The following RUFY4 variants were observed in gnomAD, a reference collection of about 807,000 sequenced individuals.
The protein encoded by RUFY4 is RUN and FYVE domain-containing protein 4.
Under a neutral mutation model 69.0 loss-of-function variants are expected in RUFY4, and 73 were observed. That is an observed-to-expected ratio of 1.06 (90% CI 0.88 to 1.29). The LOEUF (loss-of-function observed/expected upper bound fraction) is 1.29. Ranked by LOEUF, RUFY4 falls within the 50% of genes most tolerant of loss-of-function variation. RUFY4 has a pLI of 0.00. For synonymous variants in RUFY4, 287 were observed against 271.8 expected (o/e 1.06, Z -0.55); for missense variants, 770 against 705.6 (o/e 1.09, Z -1.03).
intron 2 of RUFY4, among the ~76,000 whole-genome samples, chr2:218,039,159 A>G (rs1959023769): frequency 6.6e-6 from 1 of 152,150 alleles, no homozygotes; most frequent in Non-Finnish European, 1.5e-5. Flanking sequence ...TGAAAAGAGA[A>G]CCCAGCAGGA....
chr2:218,090,173 G>A, exon 11 of RUFY4: 1 of 532,434 alleles, frequency 1.9e-6, no homozygotes, highest in South Asian at 1.7e-5. Context: ...TCTAGACACT[G>A]AAGATCTAAG....
intron 3 of RUFY4, 42 bp from the exon 6 acceptor site, chr2:218,072,737 G>T: frequency 6.9e-7 from 1 of 1,445,698 alleles, no homozygotes; most frequent in South Asian, 1.4e-5. Context: ...GGCGCCCTTT[G>T]TCCTAATACT....
At chr2:218,056,769 AG>A (rs775843369) in intron 2 of RUFY4, among the ~76,000 whole-genome samples, 1 of 152,188 alleles carries the variant, frequency 6.6e-6, no homozygotes, top group Non-Finnish European at 1.5e-5. Flanking sequence ...AGTTTTACCA[AG>A]TAGCTGCTGT....
intron 2 of RUFY4, among the ~76,000 whole-genome samples, chr2:218,049,977 T>A (rs780803168): frequency 2.0e-5 from 3 of 152,162 alleles, no homozygotes; most frequent in Non-Finnish European, 2.9e-5. Flanking sequence ...TCAAGGACAG[T>A]TTAAAGCCTG....
chr2:218,037,313 C>A (rs1010066144), intron 2 of RUFY4, among the ~76,000 whole-genome samples: 2 of 120,188 alleles, frequency 1.7e-5, no homozygotes, highest in Non-Finnish European at 3.3e-5. Flanking sequence ...GTGCAAAACT[C>A]AGTCTCAAAA....
At chr2:218,063,316 G>A (rs987017295) in intron 3 of RUFY4, among the ~76,000 whole-genome samples, 3 of 152,066 alleles carry the variant, frequency 2.0e-5, no homozygotes, top group Non-Finnish European at 4.4e-5. Context: ...AAAGTTAAAG[G>A]TCCCAGAACC....
chr2:218,053,065 TC>T (rs1301951386), intron 2 of RUFY4, among the ~76,000 whole-genome samples: 2 of 152,100 alleles, frequency 1.3e-5, no homozygotes, highest in Non-Finnish European at 2.9e-5. Flanking sequence ...GCTCAAGGAA[TC>T]CTCCTACCTC....
intron 2 of RUFY4, 36 bp from the exon 5 acceptor site, chr2:218,072,338 C>T (rs766378613): frequency 1.3e-6 from 2 of 1,534,960 alleles, no homozygotes; most frequent in Non-Finnish European, 1.7e-6. Flanking sequence ...TGGGAGGAAG[C>T]ATTTCTACAC....
At chr2:218,074,690 T>C (rs1487196688) in intron 6 of RUFY4, among the ~76,000 whole-genome samples, 1 of 152,118 alleles carries the variant, frequency 6.6e-6, no homozygotes, top group Non-Finnish European at 1.5e-5. Context: ...CGAGATTTCA[T>C]CACAACCCTA....
chr2:218,074,923 G>T (rs1278454177), intron 6 of RUFY4, among the ~76,000 whole-genome samples, 170 bp from the exon 9 acceptor site: 5 of 152,180 alleles, frequency 3.3e-5, no homozygotes, highest in African/African-American at 1.2e-4. Context: ...GATCACCTGG[G>T]TGTTGCTAAA....
chr2:218,084,768 G>A (rs977281153), intron 9 of RUFY4, among the ~76,000 whole-genome samples: 5 of 152,086 alleles, frequency 3.3e-5, no homozygotes, highest in African/African-American at 4.8e-5. Flanking sequence ...GAACATGGCC[G>A]GGTGCAGTGG....
intron 9 of RUFY4, among the ~76,000 whole-genome samples, chr2:218,085,668 C>G (rs535456828): frequency 2.0e-5 from 3 of 152,196 alleles, no homozygotes; most frequent in Admixed American, 6.5e-5. Context: ...GCAATCCATA[C>G]CTGCTGCCTT....
intron 2 of RUFY4, among the ~76,000 whole-genome samples, chr2:218,039,503 T>C (rs755851682): frequency 6.6e-6 from 1 of 152,242 alleles, no homozygotes; most frequent in Non-Finnish European, 1.5e-5. Flanking sequence ...AAGAGGATTC[T>C]TGCTCACAGG....
intron 2 of RUFY4, among the ~76,000 whole-genome samples, chr2:218,036,721 T>C (rs927404122): frequency 2.0e-5 from 3 of 152,218 alleles, no homozygotes; most frequent in African/African-American, 7.2e-5. Context: ...AGGTAAGAGA[T>C]TCACCACGAT....
At chr2:218,041,507 G>A (rs1688695878) in intron 2 of RUFY4, among the ~76,000 whole-genome samples, 1 of 151,960 alleles carries the variant, frequency 6.6e-6, no homozygotes, top group South Asian at 2.1e-4. Context: ...GAACTGGGCA[G>A]TTCCAAACCA....
At position 218,048,558 on chromosome 2, in the gene RUFY4, T is replaced by C. The variant is rs1434968186; in HGVS notation, c.-1157-10037T>C. On this transcript the variant is annotated intron_variant and NMD_transcript_variant, in intron 2 of 13. Coordinates refer to the RUFY4 transcript ENST00000457754. Reference sequence around the variant, plus strand: ...TTCCTAGGTTGTTTTCCAGGGTTTTTATAGTGTTTCTTATGTTTCTGAAGA... The same window carrying C: ...TTCCTAGGTTGTTTTCCAGGGTTTTCATAGTGTTTCTTATGTTTCTGAAGA... Among the ~76,000 whole-genome samples, 3 of 152,220 alleles carry C rather than the reference T, an allele frequency of 2.0e-5. No individual in the cohort carries two copies. The South Asian group carries it at 6.2e-4, about 32-fold the overall frequency.
chr2:218,059,216 T>C (rs1689129021), intron 3 of RUFY4: 2 of 152,230 alleles, frequency 1.3e-5, no homozygotes, highest in Non-Finnish European at 2.9e-5. Flanking sequence ...GCCTTGGTTC[T>C]TTGGCAAAAG....
intron 3 of RUFY4, among the ~76,000 whole-genome samples, chr2:218,061,809 GA>G (rs1689201088): frequency 6.6e-6 from 1 of 152,182 alleles, no homozygotes; most frequent in South Asian, 2.1e-4. Flanking sequence ...TTAATGTTCA[GA>G]AACATGAGAT....
chr2:218,066,630 G>T (rs1176423349), upstream of RUFY4, among the ~76,000 whole-genome samples: 2 of 152,316 alleles, frequency 1.3e-5, no homozygotes, highest in Admixed American at 1.3e-4. Flanking sequence ...GACAGTACAG[G>T]TCTCATATAC....
Sources: gnomAD v4.1 joint callset for allele counts (sites outside exome capture counted in the v4.1 genomes callset) on GRCh38, gnomAD v4.1.1 for gene constraint, MANE v1.5 for transcripts, NCBI Gene and HGNC (gene_info 2026-07-23, HGNC 2026-07-21) for gene names.